SPIN1: variants seen among roughly 807,000 people sequenced by gnomAD.
The protein encoded by SPIN1 is spindlin-1.
Under a neutral mutation model 26.0 loss-of-function variants are expected in SPIN1, and 3 were observed. The observed-to-expected ratio is 0.12, with a 90% confidence interval of 0.05 to 0.30. The LOEUF (loss-of-function observed/expected upper bound fraction) is 0.30. SPIN1 is among the 10% of genes least tolerant of loss of function. The pLI, the probability that SPIN1 is intolerant of heterozygous loss-of-function variation, is 1.00. For synonymous variants in SPIN1, 101 were observed against 116.5 expected (o/e 0.87, Z 0.86); for missense variants, 126 against 333.4 (o/e 0.38, Z 4.84).
rs116429875 is a variant in SPIN1 at position 88,403,041 on chromosome 9, C to T, written c.-159+14503C>T. Among the ~76,000 whole-genome samples, 1,120 of 152,186 alleles carry T rather than the reference C, an allele frequency of 7.4e-3. 12 individuals carry two copies. Among genetic ancestry groups the T allele is most frequent in the African/African-American group, 0.025 (1,048 of 41,522 alleles). On this transcript the variant is annotated intron_variant, in intron 1 of 5. Coordinates refer to ENST00000375859, the MANE Select transcript of SPIN1 (RefSeq NM_006717.3). ...CATTGTAGTTTTGATTTGTATTTAC[C>T]TGATGATTACTGATGTGAGCATTTT...
At chr9:88,454,676 A>G (rs947637596) in intron 3 of SPIN1, among the ~76,000 whole-genome samples, 2 of 152,222 alleles carry the variant, frequency 1.3e-5, no homozygotes, top group African/African-American at 2.4e-5. Context: ...TACATCAAAC[A>G]TCAGATATTC....
At chr9:88,470,754 C>A (rs1022240916) in intron 5 of SPIN1, among the ~76,000 whole-genome samples, 1 of 152,108 alleles carries the variant, frequency 6.6e-6, no homozygotes, top group Non-Finnish European at 1.5e-5. Context: ...GCCACCATGT[C>A]TTCTAATTTT....
intron 2 of SPIN1, among the ~76,000 whole-genome samples, chr9:88,444,236 A>ATTTTTTTT (rs745590731): frequency 9.8e-6 from 1 of 102,430 alleles, no homozygotes; most frequent in Non-Finnish European, 1.9e-5. Flanking sequence ...TCTTGTTCCC[A>ATTTTTTTT]TTTTTTTTTT....
chr9:88,394,284 A>G (rs1827003696), intron 1 of SPIN1, among the ~76,000 whole-genome samples: 1 of 152,188 alleles, frequency 6.6e-6, no homozygotes, highest in Non-Finnish European at 1.5e-5. Context: ...GCTTTCTGAC[A>G]CAAGATGTCT....
chr9:88,411,719 T>C (rs1350166799), intron 1 of SPIN1, among the ~76,000 whole-genome samples: 1 of 152,042 alleles, frequency 6.6e-6, no homozygotes, highest in Non-Finnish European at 1.5e-5. Flanking sequence ...CACCCTGTGT[T>C]GCTCAGGCTG....
intron 2 of SPIN1, among the ~76,000 whole-genome samples, chr9:88,434,439 C>CA (rs1827957764): frequency 8.6e-6 from 1 of 116,164 alleles, no homozygotes; most frequent in Non-Finnish European, 1.5e-5. Flanking sequence ...TTATAAATTA[C>CA]GGTTTTCTTC....
chr9:88,391,788 A>C (rs1826925455), intron 1 of SPIN1: 1 of 152,338 alleles, frequency 6.6e-6, no homozygotes, highest in Non-Finnish European at 1.5e-5. Context: ...GCATTTGTGA[A>C]GATTCTGGGG....
At chr9:88,405,200 C>T (rs1195323989) in intron 1 of SPIN1, among the ~76,000 whole-genome samples, 1 of 152,108 alleles carries the variant, frequency 6.6e-6, no homozygotes, top group Non-Finnish European at 1.5e-5. Context: ...TTATCAAGTA[C>T]AATGTACTGT....
intron 5 of SPIN1, among the ~76,000 whole-genome samples, chr9:88,473,900 GAA>G (rs1166831438): frequency 6.6e-6 from 1 of 152,176 alleles, no homozygotes; most frequent in Admixed American, 6.5e-5. Context: ...AATTTTTAAA[GAA>G]AAGAGTTCAG....
intron 3 of SPIN1, among the ~76,000 whole-genome samples, chr9:88,461,877 T>G (rs1031198217): frequency 6.6e-6 from 1 of 152,252 alleles, no homozygotes. Flanking sequence ...TACATTGTTA[T>G]AAACTTCAGT....
chr9:88,454,995 T>G (rs1828442048), intron 3 of SPIN1, among the ~76,000 whole-genome samples: 1 of 152,242 alleles, frequency 6.6e-6, no homozygotes, highest in African/African-American at 2.4e-5. Flanking sequence ...TAACAGATAT[T>G]CTTTAATCCT....
At position 88,475,256 on chromosome 9, in the gene SPIN1, C is replaced by T. The variant is rs771539787; in HGVS notation, c.768C>T (p.Tyr256=). The T allele has an allele frequency of 6.8e-6, 11 of 1,613,622 alleles. No individual in the cohort carries two copies. The highest frequency in any genetic ancestry group is 9.3e-6 in the Non-Finnish European group (11 of 1,179,846). The part of the protein sequence containing the change: ...KFDDDFHIYV[Y]DLVKTS ...ATGATGATTTCCATATTTATGTCTA[C>T]GATTTGGTGAAAACATCCTAGATGT... Residue 256 remains tyrosine, a synonymous_variant, in exon 6 of 6, where the codon TAC becomes TAT. Coordinates refer to ENST00000375859, the MANE Select transcript of SPIN1 (RefSeq NM_006717.3).
chr9:88,461,410 G>A (rs1278925325), intron 3 of SPIN1, among the ~76,000 whole-genome samples: 3 of 152,096 alleles, frequency 2.0e-5, no homozygotes, highest in South Asian at 2.1e-4. Flanking sequence ...TCCCTTCTGC[G>A]GCGAGTACTC....
chr9:88,467,264 T>TG (rs1828687644), intron 4 of SPIN1, among the ~76,000 whole-genome samples: 1 of 152,132 alleles, frequency 6.6e-6, no homozygotes, highest in African/African-American at 2.4e-5. Context: ...CCCAACCACA[T>TG]GGGGTATCTG....
chr9:88,392,508 G>T (rs1826946920), intron 1 of SPIN1, among the ~76,000 whole-genome samples: 1 of 152,118 alleles, frequency 6.6e-6, no homozygotes, highest in South Asian at 2.1e-4. Context: ...ACAGAGGCAT[G>T]AGAGGAGTTA....
intron 1 of SPIN1, chr9:88,415,563 G>A (rs865794590): frequency 5.3e-5 from 8 of 151,884 alleles, no homozygotes; most frequent in Middle Eastern, 3.2e-3. Context: ...CTACAGGCAT[G>A]CACCACCACA....
rs907803728 is a variant in SPIN1, at chr9:88,475,071, A to G, written c.590-7A>G. 12 of 1,138,094 alleles carry G rather than the reference A, an allele frequency of 1.1e-5. No individual in the cohort carries two copies. The highest frequency in any genetic ancestry group is 3.7e-5 in the Admixed American group (1 of 26,896). 70.5% of individuals were successfully genotyped at this position (1,138,094 alleles called of 1,614,324 possible). A position where few individuals can be genotyped will look rare whatever the true frequency, so the allele number is the denominator to read the frequency against. ...TCTTTTTTTTTTTTTTTTTTTTTTT[A>G]ATATAGATGATTCACCTCCAGCAGA... On this transcript the variant is annotated splice_polypyrimidine_tract_variant and splice_region_variant and intron_variant, in intron 5 of 5. Coordinates refer to ENST00000375859, the MANE Select transcript of SPIN1 (RefSeq NM_006717.3).
chr9:88,438,815 A>G (rs1424952545), intron 2 of SPIN1, among the ~76,000 whole-genome samples: 1 of 152,224 alleles, frequency 6.6e-6, no homozygotes, highest in Non-Finnish European at 1.5e-5. Flanking sequence ...TTAATACTAA[A>G]GAAAAAGTGC....
intron 3 of SPIN1, among the ~76,000 whole-genome samples, chr9:88,450,833 C>T (rs191620083): frequency 6.6e-6 from 1 of 152,264 alleles, no homozygotes; most frequent in East Asian, 1.9e-4. Flanking sequence ...TTTCCACATT[C>T]ACGAATGATG....
Sources: allele counts gnomAD v4.1 joint callset (sites outside exome capture counted in the v4.1 genomes callset), GRCh38; gene constraint gnomAD v4.1.1; transcripts MANE v1.5; gene names NCBI Gene and HGNC (gene_info 2026-07-23, HGNC 2026-07-21).